The following AHR variants were observed in gnomAD, a reference collection of about 807,000 sequenced individuals.
AHR encodes the protein aryl hydrocarbon receptor.
Under a neutral mutation model 86.8 loss-of-function variants are expected in AHR, and 40 were observed. That is an observed-to-expected ratio of 0.46 (90% CI 0.36 to 0.60). The LOEUF is 0.60. AHR is among the 20% of genes least tolerant of loss of function. The pLI is 0.00. For synonymous variants in AHR, 398 were observed against 354.9 expected, an observed-to-expected ratio of 1.12 and a Z score of -1.37; for missense variants, 1,001 against 1,011.6, an observed-to-expected ratio of 0.99 and a Z score of 0.14.
Position 17,339,696 on chromosome 7 carries a change from A to T in AHR, c.1871A>T (p.Gln624Leu), listed in dbSNP as rs550306108. The change falls in exon 10 of 11, where the codon CAA becomes CTA. Residue 624 changes from glutamine (Q) to leucine (L), a missense_variant. Coordinates refer to ENST00000242057, the MANE Select transcript of AHR (RefSeq NM_001621.5). ...QEHLHLEQQQQHHQKQVVVEP... is the reference protein window; with the variant it reads ...QEHLHLEQQQLHHQKQVVVEP... ...CACCTACATCTAGAACAGCAACAGCAACATCACCAAAAGCAAGTAGTAGTG... is the reference window on the plus strand; with the variant it reads ...CACCTACATCTAGAACAGCAACAGCTACATCACCAAAAGCAAGTAGTAGTG... 1 of 1,614,180 alleles carries T rather than the reference A, an allele frequency of 6.2e-7. No individual in the cohort carries two copies. The highest frequency in any genetic ancestry group is 1.3e-5 in the African/African-American group (1 of 75,058).
In AHR at chr7:17,324,204, C is replaced by G. The variant is rs1782204120; in HGVS notation, c.360+1597C>G. Among the ~76,000 whole-genome samples the G allele has an allele frequency of 2.0e-5, 3 of 152,154 alleles. No homozygotes were observed. In the South Asian group the frequency reaches 6.2e-4, roughly 32 times the overall value. On this transcript the variant is annotated intron_variant, in intron 3 of 10. Transcript: ENST00000242057. ...AAACTTACCTGTTTATATTGAATAC[C>G]ATTTGTAGATTGCTCTTTTAATAGG...
intron 2 of AHR, among the ~76,000 whole-genome samples, chr7:17,321,136 T>C (rs548559624): frequency 6.6e-6 from 1 of 152,230 alleles, no homozygotes; most frequent in Admixed American, 6.5e-5. Context: ...AGAGTCAGTT[T>C]TATTTAATGG....
At chr7:17,327,729 T>G (rs1782244131) in intron 3 of AHR, 30 bp from the exon 4 acceptor site, 2 of 1,271,924 alleles carry the variant, frequency 1.6e-6, no homozygotes, top group Non-Finnish European at 2.2e-6. Context: ...TAAGTCATAT[T>G]ACTAATTTTA....
At chr7:17,332,101 A>G (rs1426127646) in intron 6 of AHR, among the ~76,000 whole-genome samples, 3 of 151,870 alleles carry the variant, frequency 2.0e-5, no homozygotes, top group Non-Finnish European at 4.4e-5. Context: ...GAGCCGAAAA[A>G]TCCCTATCAC....
Position 17,339,171 on chromosome 7 carries a change from A to G in AHR, c.1346A>G (p.Asp449Gly), listed in dbSNP as rs760531260. 1.2e-6 allele frequency: 2 copies of G among 1,614,066 alleles called. No individual in the cohort carries two copies. Among genetic ancestry groups the G allele is most frequent in the Admixed American group, 3.3e-5 (2 of 60,020 alleles). ...GCTACCACATCCACTCTAAGCAAGG[A>G]CTCTCTCAATCCTAGTTCCCTCCTG... ...DSATTSTLSKDSLNPSSLLAA... is the reference protein window; with the variant it reads ...DSATTSTLSKGSLNPSSLLAA... Residue 449 changes from aspartate to glycine, a missense_variant, in exon 10 of 11, where the codon GAC (aspartate) becomes GGC (glycine). Transcript: ENST00000242057.
At chr7:17,301,989 A>G (rs963661863) in intron 1 of AHR, among the ~76,000 whole-genome samples, 1 of 151,978 alleles carries the variant, frequency 6.6e-6, no homozygotes, top group Non-Finnish European at 1.5e-5. Flanking sequence ...TGTTTATTTT[A>G]TTCTCTTTGG....
At chr7:17,331,374 G>C (rs1203136042) in intron 6 of AHR, among the ~76,000 whole-genome samples, 1 of 151,874 alleles carries the variant, frequency 6.6e-6, no homozygotes, top group Non-Finnish European at 1.5e-5. Context: ...CAAATAATTT[G>C]ATAAAGGAAA....
intron 3 of AHR, among the ~76,000 whole-genome samples, chr7:17,323,030 T>C (rs1782190583): frequency 6.6e-6 from 1 of 152,100 alleles, no homozygotes; most frequent in African/African-American, 2.4e-5. Flanking sequence ...GTAAGTACAC[T>C]CTATGATGTT....
chr7:17,308,443 GA>G (rs2115352196), intron 1 of AHR, among the ~76,000 whole-genome samples: 1 of 152,200 alleles, frequency 6.6e-6, no homozygotes, highest in East Asian at 1.9e-4. Context: ...TACAGGATGT[GA>G]TGGATATAAA....
chr7:17,308,334 C>T (rs970741022), intron 1 of AHR, among the ~76,000 whole-genome samples: 8 of 152,132 alleles, frequency 5.3e-5, no homozygotes, highest in Non-Finnish European at 1.2e-4. Flanking sequence ...ATCTCAGATA[C>T]CACCTTTTCT....
intron 1 of AHR, 89 bp downstream of exon 1, chr7:17,299,418 T>C (rs895525875): frequency 2.1e-6 from 3 of 1,428,366 alleles, no homozygotes; most frequent in Non-Finnish European, 1.9e-6. Flanking sequence ...CCCAAATCCC[T>C]GCGATCCTGG....
chr7:17,312,489 A>G (rs1782076165), intron 2 of AHR, among the ~76,000 whole-genome samples: 1 of 152,222 alleles, frequency 6.6e-6, no homozygotes, highest in Non-Finnish European at 1.5e-5. Context: ...TTTAATGTCT[A>G]CATTATGTGT....
intron 3 of AHR, among the ~76,000 whole-genome samples, chr7:17,326,255 G>A (rs1484653776): frequency 6.6e-6 from 1 of 152,170 alleles, no homozygotes. Context: ...TGTTATCTTT[G>A]TAGTCAAGTT....
intron 1 of AHR, among the ~76,000 whole-genome samples, chr7:17,303,068 T>A (rs750232368): frequency 3.3e-5 from 5 of 152,040 alleles, no homozygotes; most frequent in African/African-American, 7.2e-5. Flanking sequence ...TACAAATCTT[T>A]TACAACAGTA....
chr7:17,304,903 G>A (rs1781990145), intron 1 of AHR, among the ~76,000 whole-genome samples: 3 of 151,998 alleles, frequency 2.0e-5, no homozygotes, highest in Admixed American at 6.6e-5. Flanking sequence ...GGGTTCGAGG[G>A]GGAATAAAAA....
At chr7:17,338,959 C>T (rs1407849853) in intron 9 of AHR, 27 bp from the exon 10 acceptor site, 6 of 1,500,348 alleles carry the variant, frequency 4.0e-6, no homozygotes, top group African/African-American at 2.8e-5. Flanking sequence ...GAATTTTTTT[C>T]TAAGACTTTT....
chr7:17,301,241 A>G (rs1337735018), intron 1 of AHR, among the ~76,000 whole-genome samples: 2 of 152,084 alleles, frequency 1.3e-5, no homozygotes, highest in Non-Finnish European at 2.9e-5. Flanking sequence ...CATTTTCATT[A>G]TCAAGTGAAA....
chr7:17,309,561 G>A (rs1333220229), intron 1 of AHR, among the ~76,000 whole-genome samples: 1 of 152,174 alleles, frequency 6.6e-6, no homozygotes, highest in African/African-American at 2.4e-5. Context: ...AAGGAAGTAT[G>A]ATTTTCATAT....
At chr7:17,340,675 A>G (rs1782412040) in intron 10 of AHR, among the ~76,000 whole-genome samples, 2 of 152,170 alleles carry the variant, frequency 1.3e-5, no homozygotes, top group South Asian at 2.1e-4. Context: ...TATGTTTGAA[A>G]TTGAGTTAAA....
Sources: allele counts gnomAD v4.1 joint callset (sites outside exome capture counted in the v4.1 genomes callset), GRCh38; gene constraint gnomAD v4.1.1; transcripts MANE v1.5; gene names NCBI Gene and HGNC (gene_info 2026-07-23, HGNC 2026-07-21).